Variants in ZNRF3 observed in about 807,000 individuals in gnomAD.
ZNRF3 encodes the protein E3 ubiquitin-protein ligase ZNRF3.
Under a neutral mutation model 72.5 loss-of-function variants are expected in ZNRF3, and 23 were observed. The ratio of observed to expected loss-of-function variants is 0.32; its 90% CI spans 0.23 to 0.45. ZNRF3 has a LOEUF of 0.45. Ranked by LOEUF, ZNRF3 falls within the 20% of genes least tolerant of loss-of-function variation. The pLI is 1.00. For missense variants in ZNRF3, 1,169 were observed against 1,272.1 expected (o/e 0.92, Z 1.23); for synonymous variants, 610 against 545.3 (o/e 1.12, Z -1.65).
intron 1 of ZNRF3, among the ~76,000 whole-genome samples, chr22:28,909,919 T>C (rs970774979): frequency 6.6e-6 from 1 of 151,808 alleles, no homozygotes; most frequent in African/African-American, 2.4e-5. Context: ...ATTTTTTTTT[T>C]CTAGAGACAG....
rs768715493 is a variant in ZNRF3 at position 29,050,913 on chromosome 22, C to T, written c.2732C>T (p.Thr911Ile). The T allele has an allele frequency of 7.8e-6, 12 of 1,547,122 alleles. No homozygotes were observed. The highest frequency in any genetic ancestry group is 2.3e-5 in the East Asian group (1 of 44,388). The stretch of plus-strand genomic sequence containing the variant: ...AACTTCCCTAGTGCCCTCCAGGACA[C>T]TCAGGAGTCCAGCACCACTGCCACT... ...RANFPSALQDTQESSTTATEA... is the reference protein window; with the variant it reads ...RANFPSALQDIQESSTTATEA... Residue 911 changes from threonine (T) to isoleucine (I), a missense_variant, in exon 8 of 9, where the codon ACT (threonine) becomes ATT (isoleucine). Thr to Ile is a moderately conservative substitution (Grantham distance 89). Transcript: ENST00000544604.
chr22:29,043,461 G>C (rs756034169), intron 4 of ZNRF3, 31 bp downstream of exon 4: 1 of 1,610,164 alleles, frequency 6.2e-7, no homozygotes, highest in Non-Finnish European at 8.5e-7. Context: ...GCACAGGCTC[G>C]GGGCCTTCTC....
chr22:28,915,718 G>A (rs5762891), intron 1 of ZNRF3, among the ~76,000 whole-genome samples: 10,248 of 152,210 alleles, frequency 0.067, 446 homozygotes, highest in East Asian at 0.13. Flanking sequence ...GTCTGCCCAA[G>A]CAAACAATTT....
intron 2 of ZNRF3, among the ~76,000 whole-genome samples, chr22:28,999,450 T>G (rs1409957220): frequency 1.3e-5 from 2 of 152,214 alleles, no homozygotes; most frequent in African/African-American, 2.4e-5. Context: ...TACTCTAGTC[T>G]GGGTGATAGA....
chr22:28,986,921 G>T, intron 1 of ZNRF3, 155 bp from the exon 2 acceptor site: 1 of 995,132 alleles, frequency 1.0e-6, no homozygotes, highest in Admixed American at 2.9e-5. Context: ...TCATTGTGCT[G>T]AAATAAAATT....
intron 2 of ZNRF3, among the ~76,000 whole-genome samples, chr22:28,988,434 G>A (rs971708807): frequency 6.6e-6 from 1 of 152,126 alleles, no homozygotes; most frequent in Admixed American, 6.5e-5. Flanking sequence ...TACCCTCACA[G>A]GTCTAATCTT....
chr22:29,046,492 C>T lies in ZNRF3; in HGVS notation c.745-224C>T, dbSNP rs182571103. 2.0e-5 allele frequency among the ~76,000 whole-genome samples: 3 copies of T among 152,276 alleles called. No individual in the cohort carries two copies. The East Asian group carries it at 5.8e-4, about 29-fold the overall frequency. On this transcript the variant is annotated intron_variant, in intron 5 of 8. Transcript: ENST00000544604. ...TGCCTTCAAATCAGAGAGACCCCTG[C>T]TAGTCTTGCCACTTAGGAAAAGCCT...
At position 29,050,631 on chromosome 22, in the gene ZNRF3, G is replaced by T. The variant is rs762897251; in HGVS notation, c.2450G>T (p.Gly817Val). The change falls in exon 8 of 9, where the codon GGC becomes GTC. Residue 817 changes from glycine to valine, a missense_variant. Physicochemically the swap from Gly to Val is moderately radical, Grantham distance 109. Around this residue, in one of 2 missense-constraint regions of ZNRF3, gnomAD observed 783 missense variants for 731.4 expected, o/e 1.07. Coordinates refer to ENST00000544604, the MANE Select transcript of ZNRF3 (RefSeq NM_001206998.2). ...ACGCTCACCGAGGAACCACCGCCCG[G>T]CTGCTACCCCGGGGCCCGGGACCTG... ...QYTLTEEPPP[G>V]CYPGARDLSQ... 6 of 1,611,476 alleles carry T rather than the reference G, an allele frequency of 3.7e-6. No homozygotes were observed. The Admixed American group carries it at 8.3e-5, about 22-fold the overall frequency.
At chr22:28,944,503 C>T (rs973163820) in intron 1 of ZNRF3, among the ~76,000 whole-genome samples, 5 of 152,078 alleles carry the variant, frequency 3.3e-5, no homozygotes, top group Admixed American at 1.3e-4. Context: ...GCCTGTAATC[C>T]CAGCACTCTG....
chr22:28,978,282 G>A (rs1274356071), intron 1 of ZNRF3, among the ~76,000 whole-genome samples: 1 of 152,148 alleles, frequency 6.6e-6, no homozygotes, highest in Non-Finnish European at 1.5e-5. Flanking sequence ...AATCACCCTG[G>A]TTATTGTGTC....
At position 29,050,630 on chromosome 22, in the gene ZNRF3, G is replaced by A. The variant is rs775159221; in HGVS notation, c.2449G>A (p.Gly817Ser). Residue 817 changes from glycine (G) to serine (S), a missense_variant, in exon 8 of 9, where the codon GGC becomes AGC. Physicochemically the swap from Gly to Ser is moderately conservative, Grantham distance 56. Around this residue, in one of 2 missense-constraint regions of ZNRF3, gnomAD observed 783 missense variants for 731.4 expected, o/e 1.07. Coordinates refer to ENST00000544604, the MANE Select transcript of ZNRF3 (RefSeq NM_001206998.2). ...QYTLTEEPPP[G>S]CYPGARDLSQ... ...CACGCTCACCGAGGAACCACCGCCC[G>A]GCTGCTACCCCGGGGCCCGGGACCT... 5 of 1,611,276 alleles carry A rather than the reference G, an allele frequency of 3.1e-6. No homozygotes were observed. In the Admixed American group the frequency reaches 5.0e-5, roughly 16 times the overall value.
chr22:29,056,020 A>G lies in ZNRF3; in HGVS notation c.*2398A>G, dbSNP rs2037291311. The G allele has an allele frequency of 6.6e-6, 1 of 152,190 alleles. No individual in the cohort carries two copies. Among genetic ancestry groups the G allele is most frequent in the Non-Finnish European group, 1.5e-5 (1 of 68,036 alleles). 9.4% of individuals were successfully genotyped at this position (152,190 alleles called of 1,614,324 possible). ...ACAAGTGATAGCTGCAGATGGCGAA[A>G]GAAACCCATTTAATTTTTGTAGCTT... is the stretch of plus-strand genomic sequence containing the variant. On this transcript the variant is annotated 3_prime_UTR_variant, in exon 9 of 9. Coordinates refer to ENST00000544604, the MANE Select transcript of ZNRF3 (RefSeq NM_001206998.2).
At chr22:29,038,553 A>G (rs1464663194) in intron 2 of ZNRF3, among the ~76,000 whole-genome samples, 8 of 150,932 alleles carry the variant, frequency 5.3e-5, no homozygotes, top group Admixed American at 3.3e-4. Flanking sequence ...CTAGTCTTGA[A>G]CTCCTGGCTT....
intron 2 of ZNRF3, among the ~76,000 whole-genome samples, chr22:29,012,789 C>G (rs2036368120): frequency 6.6e-6 from 1 of 152,202 alleles, no homozygotes; most frequent in African/African-American, 2.4e-5. Context: ...AACCACGACT[C>G]CATGCTGAGT....
intron 1 of ZNRF3, among the ~76,000 whole-genome samples, chr22:28,901,778 T>C (rs537299119): frequency 6.7e-6 from 1 of 148,346 alleles, no homozygotes; most frequent in South Asian, 2.1e-4. Flanking sequence ...GTAGCCACGA[T>C]TACACGTGCG....
intron 2 of ZNRF3, among the ~76,000 whole-genome samples, chr22:29,034,150 A>G (rs1417144203): frequency 6.6e-6 from 1 of 152,206 alleles, no homozygotes; most frequent in Non-Finnish European, 1.5e-5. Context: ...CTTGCTAAGC[A>G]AGGTCTCTTC....
chr22:28,929,069 T>C (rs1185745649), intron 1 of ZNRF3, among the ~76,000 whole-genome samples: 2 of 152,332 alleles, frequency 1.3e-5, no homozygotes, highest in East Asian at 3.9e-4. Context: ...AAAAGAACAC[T>C]GATCAAGACT....
intron 2 of ZNRF3, among the ~76,000 whole-genome samples, chr22:29,039,484 T>G (rs1288934353): frequency 6.6e-6 from 1 of 152,146 alleles, no homozygotes; most frequent in East Asian, 1.9e-4. Flanking sequence ...GGCTGTTTAT[T>G]TCCTCATTTT....
chr22:28,965,192 C>G (rs2035438370), intron 1 of ZNRF3, among the ~76,000 whole-genome samples: 1 of 152,174 alleles, frequency 6.6e-6, no homozygotes, highest in East Asian at 1.9e-4. Context: ...ATCAGCCACA[C>G]ACGAGGACAC....
Sources: gnomAD v4.1 joint callset for allele counts (sites outside exome capture counted in the v4.1 genomes callset) on GRCh38, gnomAD v4.1.1 for gene constraint, gnomAD v4.1.1 regional missense constraint, MANE v1.5 for transcripts, NCBI Gene and HGNC (gene_info 2026-07-23, HGNC 2026-07-21) for gene names.